Variants in DEFB136 observed in about 807,000 individuals in gnomAD.
The protein encoded by DEFB136 is defensin beta 136, also known as beta-defensin 136.
A neutral mutation model predicts 2.4 loss-of-function variants in DEFB136; 6 were observed. That is an observed-to-expected ratio of 2.45 (90% CI 1.34 to 4.84). The LOEUF (loss-of-function observed/expected upper bound fraction) is 4.84, where lower values mean the gene tolerates loss of function less well. Ranked by LOEUF, DEFB136 falls within the 30% of genes most tolerant of loss-of-function variation. The pLI, the probability that DEFB136 is intolerant of heterozygous loss-of-function variation, is 0.00. For missense variants in DEFB136, 126 were observed against 98.4 expected (o/e 1.28, Z -1.19); for synonymous variants, 47 against 35.2 (o/e 1.33, Z -1.18).
rs1799553176 is a variant in DEFB136 at position 11,974,399 on chromosome 8, G to A, written c.55+146C>T. 9.9e-6 allele frequency: 10 copies of A among 1,009,436 alleles called. No homozygotes were observed. The Middle Eastern group carries it at 8.8e-4, about 89-fold the overall frequency. The allele number at this position is 1,009,436 out of a possible 1,614,324, so 62.5% of individuals were successfully genotyped here. On this transcript the variant is annotated intron_variant, in intron 1 of 1. Transcript: ENST00000382209. ...GCAGCAACAGCAGAGCAGGGCAGGA[G>A]CTGGGGTCCGCTCACCATGCCCCTA...
At position 11,974,434 on chromosome 8, in the gene DEFB136, C is replaced by T. The variant is rs773225949; in HGVS notation, c.55+111G>A. 76 of 1,300,820 alleles carry T rather than the reference C, an allele frequency of 5.8e-5. 1 individual carries two copies. Among genetic ancestry groups the T allele is most frequent in the Non-Finnish European group, 8.4e-5 (76 of 909,284 alleles). The allele number at this position is 1,300,820 out of a possible 1,614,324, so 80.6% of individuals were successfully genotyped here. On this transcript the variant is annotated intron_variant, in intron 1 of 1. Transcript: ENST00000382209. Reference sequence around the variant, plus strand: ...GCTCACCATGCCCCTAACATGGTGGCCCATTTGATATTGGTGTCCTGTTGC... The same window carrying T: ...GCTCACCATGCCCCTAACATGGTGGTCCATTTGATATTGGTGTCCTGTTGC...
In DEFB136 at chr8:11,973,977, C is replaced by T. The variant is rs748199298; in HGVS notation, c.197G>A (p.Arg66His). The change falls in exon 2 of 2, where the codon CGT becomes CAT. Residue 66 changes from arginine (R) to histidine (H), a missense_variant. Transcript: ENST00000382209. ...NILSCCKNMT[R>H]FQPPQAKDPW... ...ATCTTTGGCTTGCGGGGGTTGAAAA[C>T]GTGTCATATTTTTACAGCAAGACAG... The T allele has an allele frequency of 1.6e-5, 25 of 1,604,774 alleles. 1 individual carries two copies. The highest frequency in any genetic ancestry group is 3.3e-4 in the Middle Eastern group (2 of 6,044).
rs370829326 is a variant in DEFB136, at chr8:11,974,060, G to C, written c.114C>G (p.Ala38=). ...CTGGCGGACACCCGAAGAAACATAC[G>C]GCTTTCTGGCTAGTGCAGGTGCGAA... ...VKVRTCTSQK[A]VCFFGCPPGY... is the part of the protein sequence containing the mutation. Residue 38 remains alanine, a synonymous_variant, in exon 2 of 2, where the codon GCC becomes GCG. Transcript: ENST00000382209. 3.7e-6 allele frequency: 6 copies of C among 1,607,838 alleles called. No homozygotes were observed. Among genetic ancestry groups the C allele is most frequent in the African/African-American group, 1.3e-5 (1 of 74,636 alleles).
At chr8:11,974,183 C>G in intron 1 of DEFB136, 65 bp from the exon 2 acceptor site, 1 of 1,490,322 alleles carries the variant, frequency 6.7e-7, no homozygotes, top group Non-Finnish European at 9.0e-7. Flanking sequence ...AAATCCTAGG[C>G]TTGCCATCAC....
At chr8:11,974,473 A>G in intron 1 of DEFB136, 72 bp downstream of exon 1, 1 of 1,554,206 alleles carries the variant, frequency 6.4e-7, no homozygotes, top group Non-Finnish European at 8.9e-7. Flanking sequence ...GCTTATAGTT[A>G]GAGGGTTTTT....
chr8:11,974,030 G>A lies in DEFB136; in HGVS notation c.144C>T (p.Tyr48=), dbSNP rs754099044. The part of the protein sequence containing the change: ...AVCFFGCPPG[Y]RWIAFCHNIL... ...TATTGTGGCAGAACGCAATCCACCTGTATCCTGGCGGACACCCGAAGAAAC... is the reference window on the plus strand; with the variant it reads ...TATTGTGGCAGAACGCAATCCACCTATATCCTGGCGGACACCCGAAGAAAC... The change falls in exon 2 of 2, where the codon TAC becomes TAT. Residue 48 remains tyrosine (Y), a synonymous_variant. Coordinates refer to ENST00000382209, the MANE Select transcript of DEFB136 (RefSeq NM_001033018.2). 1.9e-6 allele frequency: 3 copies of A among 1,612,048 alleles called. No homozygotes were observed. The highest frequency in any genetic ancestry group is 2.5e-6 in the Non-Finnish European group (3 of 1,179,082).
At chr8:11,974,251 A>G (rs1799549755) in intron 1 of DEFB136, 133 bp from the exon 2 acceptor site, 13 of 1,222,094 alleles carry the variant, frequency 1.1e-5, no homozygotes, top group Admixed American at 1.0e-4. Context: ...CAACTCAGCA[A>G]GGCAGATAAA....
In DEFB136 at chr8:11,974,125, C is replaced by A; in HGVS notation, c.56-7G>T. On this transcript the variant is annotated splice_region_variant and splice_polypyrimidine_tract_variant and intron_variant, in intron 1 of 1. Coordinates refer to ENST00000382209, the MANE Select transcript of DEFB136 (RefSeq NM_001033018.2). Reference sequence around the variant, plus strand: ...TTCCCAAACATACCTTTTCCTGAAGCGGGGAGAGACCACAGAAAAGAAAAA... The same window carrying A: ...TTCCCAAACATACCTTTTCCTGAAGAGGGGAGAGACCACAGAAAAGAAAAA... 6.5e-7 allele frequency: 1 copy of A among 1,543,446 alleles called. No homozygotes were observed. The highest frequency in any genetic ancestry group is 1.3e-5 in the South Asian group (1 of 79,404).
chr8:11,974,162 G>A (rs1799548280), intron 1 of DEFB136, 44 bp from the exon 2 acceptor site: 1 of 1,503,496 alleles, frequency 6.7e-7, no homozygotes, highest in East Asian at 2.4e-5. Flanking sequence ...CAATCTTAAT[G>A]AGGCTGGGAG....
rs1186491246 is a variant in DEFB136, at chr8:11,974,007, T to C, written c.167A>G (p.Asn56Ser). 2 of 1,611,914 alleles carry C rather than the reference T, an allele frequency of 1.2e-6. No individual in the cohort carries two copies. The highest frequency in any genetic ancestry group is 1.7e-6 in the Non-Finnish European group (2 of 1,179,070). The change falls in exon 2 of 2, where the codon AAT (asparagine) becomes AGT (serine). Residue 56 changes from asparagine (N) to serine (S), a missense_variant. Asn to Ser is a conservative substitution (Grantham distance 46). Coordinates refer to ENST00000382209, the MANE Select transcript of DEFB136 (RefSeq NM_001033018.2). The part of the protein sequence containing the change: ...PGYRWIAFCH[N>S]ILSCCKNMTR... ...CATATTTTTACAGCAAGACAGAATATTGTGGCAGAACGCAATCCACCTGTA... is the reference window on the plus strand; with the variant it reads ...CATATTTTTACAGCAAGACAGAATACTGTGGCAGAACGCAATCCACCTGTA...
chr8:11,974,034 C>A lies in DEFB136; in HGVS notation c.140G>T (p.Gly47Val). Residue 47 changes from glycine (G) to valine (V), a missense_variant, in exon 2 of 2, where the codon GGA (glycine) becomes GTA (valine). Coordinates refer to ENST00000382209, the MANE Select transcript of DEFB136 (RefSeq NM_001033018.2). ...GTGGCAGAACGCAATCCACCTGTAT[C>A]CTGGCGGACACCCGAAGAAACATAC... ...KAVCFFGCPP[G>V]YRWIAFCHNI... The A allele has an allele frequency of 1.9e-6, 3 of 1,612,062 alleles. No homozygotes were observed. In the African/African-American group the frequency reaches 4.0e-5, roughly 22 times the overall value.
intron 1 of DEFB136, 97 bp from the exon 2 acceptor site, chr8:11,974,215 G>T: frequency 3.5e-6 from 5 of 1,415,556 alleles, no homozygotes; most frequent in Non-Finnish European, 1.9e-6. Flanking sequence ...TGGCTTGTTA[G>T]TTGTGATTTA....
In DEFB136 at chr8:11,973,990, T is replaced by A; in HGVS notation, c.184A>T (p.Lys62Ter). ...AFCHNILSCC[K>*]NMTRFQPPQA... ...GGGGGTTGAAAACGTGTCATATTTTTACAGCAAGACAGAATATTGTGGCAG... is the reference window on the plus strand; with the variant it reads ...GGGGGTTGAAAACGTGTCATATTTTAACAGCAAGACAGAATATTGTGGCAG... The change falls in exon 2 of 2, where the codon AAA becomes TAA. Residue 62 changes from lysine to a stop codon, truncating the protein, a stop_gained. Transcript: ENST00000382209. LOFTEE classifies it low-confidence loss of function (END_TRUNC). 2 of 1,607,686 alleles carry A rather than the reference T, an allele frequency of 1.2e-6. No homozygotes were observed. The highest frequency in any genetic ancestry group is 1.7e-6 in the Non-Finnish European group (2 of 1,177,800).
chr8:11,974,493 C>G (rs1013220899), intron 1 of DEFB136, 52 bp downstream of exon 1: 2 of 1,601,800 alleles, frequency 1.2e-6, no homozygotes, highest in Non-Finnish European at 1.7e-6. Context: ...TTAAGCATCT[C>G]AATCTTTGGG....
rs755111812 is a variant in DEFB136 at position 11,973,965 on chromosome 8, G to A, written c.209C>T (p.Pro70Leu). 1.5e-5 allele frequency: 24 copies of A among 1,601,902 alleles called. No homozygotes were observed. The highest frequency in any genetic ancestry group is 1.4e-4 in the South Asian group (12 of 88,588). Residue 70 changes from proline to leucine, a missense_variant, in exon 2 of 2, where the codon CCG becomes CTG. Pro to Leu is a moderately conservative substitution (Grantham distance 98, BLOSUM62 -3). Coordinates refer to ENST00000382209, the MANE Select transcript of DEFB136 (RefSeq NM_001033018.2). ...ATGAACCCATGGATCTTTGGCTTGC[G>A]GGGGTTGAAAACGTGTCATATTTTT... is the stretch of plus-strand genomic sequence containing the variant. ...CCKNMTRFQP[P>L]QAKDPWVH
In DEFB136 at chr8:11,974,050, AGAAACATAC is replaced by A. The variant is rs1202525036; in HGVS notation, c.115_123del (p.Val39_Phe41del). ...CACCTGTATCCTGGCGGACACCCGA[AGAAACATAC>A]GGCTTTCTGGCTAGTGCAGGTGCGA... On this transcript the variant is annotated inframe_deletion, in exon 2 of 2. Coordinates refer to ENST00000382209, the MANE Select transcript of DEFB136 (RefSeq NM_001033018.2). 6.2e-7 allele frequency: 1 copy of A among 1,610,806 alleles called. No homozygotes were observed. Among genetic ancestry groups the A allele is most frequent in the Admixed American group, 1.7e-5 (1 of 59,432 alleles).
chr8:11,973,964 C>CG lies in DEFB136; in HGVS notation c.209dup (p.Gln71AlafsTer?). 6.2e-7 allele frequency: 1 copy of CG among 1,600,250 alleles called. No individual in the cohort carries two copies. The highest frequency in any genetic ancestry group is 8.5e-7 in the Non-Finnish European group (1 of 1,173,668). On this transcript the variant is annotated frameshift_variant, in exon 2 of 2. Transcript: ENST00000382209. LOFTEE classifies it low-confidence loss of function (END_TRUNC). ...AATGAACCCATGGATCTTTGGCTTG[C>CG]GGGGGTTGAAAACGTGTCATATTTT...
rs917432105 is a variant in DEFB136 at position 11,974,420 on chromosome 8, C to A, written c.55+125G>T. 4 of 1,189,356 alleles carry A rather than the reference C, an allele frequency of 3.4e-6. No individual in the cohort carries two copies. The African/African-American group carries it at 4.6e-5, about 14-fold the overall frequency. The allele number at this position is 1,189,356 out of a possible 1,614,324, so 73.7% of individuals were successfully genotyped here. A position where few individuals can be genotyped will look rare whatever the true frequency, so the allele number is the denominator to read the frequency against. ...AGGAGCTGGGGTCCGCTCACCATGC[C>A]CCTAACATGGTGGCCCATTTGATAT... is the stretch of plus-strand genomic sequence containing the variant. On this transcript the variant is annotated intron_variant, in intron 1 of 1. Transcript: ENST00000382209.
At position 11,974,119 on chromosome 8, in the gene DEFB136, C is replaced by T; in HGVS notation, c.56-1G>A. ...CCATCATTCCCAAACATACCTTTTCCTGAAGCGGGGAGAGACCACAGAAAA... is the reference window on the plus strand; with the variant it reads ...CCATCATTCCCAAACATACCTTTTCTTGAAGCGGGGAGAGACCACAGAAAA... On this transcript the variant is annotated splice_acceptor_variant, in intron 1 of 1. Transcript: ENST00000382209. LOFTEE classifies it high-confidence loss of function. 1.3e-6 allele frequency: 2 copies of T among 1,562,008 alleles called. No homozygotes were observed. Among genetic ancestry groups the T allele is most frequent in the Non-Finnish European group, 1.7e-6 (2 of 1,155,242 alleles).
Sources: allele counts gnomAD v4.1 joint callset, GRCh38; gene constraint gnomAD v4.1.1; transcripts MANE v1.5; gene names NCBI Gene and HGNC (gene_info 2026-07-23, HGNC 2026-07-21).